Variants in GMDS observed in about 807,000 individuals in gnomAD.
GMDS encodes GDP-mannose 4,6-dehydratase.
In GMDS, 20 loss-of-function variants were observed where a neutral mutation model predicts 49.9. That is an observed-to-expected ratio of 0.40 (90% CI 0.28 to 0.58). The LOEUF (loss-of-function observed/expected upper bound fraction) is 0.58, where lower values mean the gene tolerates loss of function less well. Ranked by LOEUF, GMDS falls within the 20% of genes least tolerant of loss-of-function variation. The pLI, the probability that GMDS is intolerant of heterozygous loss-of-function variation, is 0.42. For synonymous variants in GMDS, 177 were observed against 178.6 expected, an observed-to-expected ratio of 0.99 and a Z score of 0.07; for missense variants, 362 against 481.4, an observed-to-expected ratio of 0.75 and a Z score of 2.32.
chr6:2,139,725 G>T (rs1225447705), intron 1 of GMDS, among the ~76,000 whole-genome samples: 1 of 152,198 alleles, frequency 6.6e-6, no homozygotes, highest in Non-Finnish European at 1.5e-5. Flanking sequence ...TGACTCCAGA[G>T]ACTCTTATCC....
Position 1,911,739 on chromosome 6 carries a change from G to A in GMDS, c.771+18364C>T, listed in dbSNP as rs572574427. Among the ~76,000 whole-genome samples, 3 of 152,132 alleles carry A rather than the reference G, an allele frequency of 2.0e-5. No homozygotes were observed. The South Asian group carries it at 6.2e-4, about 32-fold the overall frequency. On this transcript the variant is annotated intron_variant, in intron 7 of 10. Coordinates refer to ENST00000380815, the MANE Select transcript of GMDS (RefSeq NM_001500.4). ...TTGCAACATAAATTGAACCATTGAA[G>A]GATTTAAATGTTCCTCATTAACTTT...
chr6:1,841,786 C>T (rs912632932), intron 7 of GMDS, among the ~76,000 whole-genome samples: 4 of 152,204 alleles, frequency 2.6e-5, no homozygotes, highest in African/African-American at 9.7e-5. Flanking sequence ...GACGCTGACA[C>T]AGGTGGTTCC....
rs182216581 is a variant in GMDS at position 1,708,268 on chromosome 6, G to A, written c.987+18148C>T. On this transcript the variant is annotated intron_variant, in intron 9 of 10. Transcript: ENST00000380815. ...TAGGGAAGGAAACAACTCGAAGGCT[G>A]TAACTTTCCCGACACTTGAGACGTC... Among the ~76,000 whole-genome samples, 22 of 152,330 alleles carry A rather than the reference G, an allele frequency of 1.4e-4. No homozygotes were observed. The East Asian group carries it at 4.1e-3, about 28-fold the overall frequency.
intron 4 of GMDS, among the ~76,000 whole-genome samples, chr6:1,972,267 T>TG (rs1266975976): frequency 7.9e-4 from 119 of 149,710 alleles, no homozygotes; most frequent in African/African-American, 2.8e-3. Flanking sequence ...TTTTTGTTTT[T>TG]TTTTTTTTTT....
At chr6:2,059,707 CA>C (rs35230658) in intron 4 of GMDS, among the ~76,000 whole-genome samples, 25 of 17,776 alleles carry the variant, frequency 1.4e-3, no homozygotes, top group South Asian at 6.8e-3. Flanking sequence ...GACTCCGTCT[CA>C]AAAAAAAAAA....
At chr6:1,960,594 T>A (rs1214448846) in intron 5 of GMDS, among the ~76,000 whole-genome samples, 180 bp downstream of exon 5, 1 of 152,210 alleles carries the variant, frequency 6.6e-6, no homozygotes, top group Non-Finnish European at 1.5e-5. Context: ...ATACTTGTAG[T>A]TAGCAACGTA....
At chr6:1,629,884 G>C (rs1012146276) in intron 9 of GMDS, among the ~76,000 whole-genome samples, 3 of 152,186 alleles carry the variant, frequency 2.0e-5, no homozygotes, top group Non-Finnish European at 2.9e-5. Flanking sequence ...GCATGCCCCA[G>C]AAACCAGCGA....
chr6:2,043,845 C>T (rs1293978871), intron 4 of GMDS, among the ~76,000 whole-genome samples: 1 of 150,550 alleles, frequency 6.6e-6, no homozygotes, highest in Non-Finnish European at 1.5e-5. Context: ...ATATTAGTAA[C>T]TTAAATCTAC....
intron 9 of GMDS, among the ~76,000 whole-genome samples, chr6:1,663,164 T>TCA (rs1764133374): frequency 1.3e-5 from 2 of 152,236 alleles, no homozygotes; most frequent in African/African-American, 4.8e-5. Flanking sequence ...TAGTGTCTTA[T>TCA]GGCTTTTCTA....
chr6:1,867,869 G>A (rs1041626522), intron 7 of GMDS, among the ~76,000 whole-genome samples: 2 of 152,156 alleles, frequency 1.3e-5, no homozygotes, highest in Non-Finnish European at 2.9e-5. Context: ...AGTTTTGGAG[G>A]TACAAGAAAC....
At chr6:1,824,617 T>C (rs1308952450) in intron 7 of GMDS, among the ~76,000 whole-genome samples, 1 of 152,130 alleles carries the variant, frequency 6.6e-6, no homozygotes, top group East Asian at 1.9e-4. Flanking sequence ...GGGTATCAGA[T>C]GAGGATCCAA....
chr6:2,073,294 G>A (rs1772123147), intron 4 of GMDS, among the ~76,000 whole-genome samples: 1 of 152,206 alleles, frequency 6.6e-6, no homozygotes, highest in African/African-American at 2.4e-5. Context: ...CTTACCAGAT[G>A]CATAAAAAAG....
intron 4 of GMDS, among the ~76,000 whole-genome samples, chr6:2,032,480 T>C (rs181280187): frequency 6.6e-6 from 1 of 152,310 alleles, no homozygotes; most frequent in East Asian, 1.9e-4. Context: ...TCTCTTGGCA[T>C]ATTGTATGTA....
At chr6:1,965,983 T>G (rs1257047895) in intron 4 of GMDS, among the ~76,000 whole-genome samples, 1 of 152,238 alleles carries the variant, frequency 6.6e-6, no homozygotes, top group Non-Finnish European at 1.5e-5. Context: ...CATCTGCTTT[T>G]GTAATTAAGT....
chr6:1,848,255 T>C (rs533374332), intron 7 of GMDS, among the ~76,000 whole-genome samples: 4 of 152,294 alleles, frequency 2.6e-5, no homozygotes, highest in Admixed American at 6.5e-5. Flanking sequence ...CTCCGTTATG[T>C]AGCCTCTGCT....
chr6:1,653,122 T>C (rs1023851710), intron 9 of GMDS, among the ~76,000 whole-genome samples: 7 of 151,840 alleles, frequency 4.6e-5, no homozygotes, highest in Non-Finnish European at 8.8e-5. Context: ...CCGTGGCACG[T>C]CCCCAAGGTG....
chr6:1,851,873 C>T (rs931174266), intron 7 of GMDS, among the ~76,000 whole-genome samples: 1 of 152,166 alleles, frequency 6.6e-6, no homozygotes, highest in African/African-American at 2.4e-5. Flanking sequence ...CGACAGGCTC[C>T]ACCCACAGCA....
At chr6:1,727,125 G>T (rs1766621388) in intron 8 of GMDS, among the ~76,000 whole-genome samples, 1 of 152,060 alleles carries the variant, frequency 6.6e-6, no homozygotes, top group South Asian at 2.1e-4. Context: ...TTTGTTTCCT[G>T]CTGAGTGAGG....
intron 1 of GMDS, among the ~76,000 whole-genome samples, chr6:2,214,903 T>C (rs751491550): frequency 6.6e-6 from 1 of 152,174 alleles, no homozygotes; most frequent in Non-Finnish European, 1.5e-5. Context: ...TCTAATGAAA[T>C]AATGGATAAT....
Sources: gnomAD v4.1 joint callset for allele counts (sites outside exome capture counted in the v4.1 genomes callset) on GRCh38, gnomAD v4.1.1 for gene constraint, MANE v1.5 for transcripts, NCBI Gene and HGNC (gene_info 2026-07-23, HGNC 2026-07-21) for gene names.